Variants in NCOA6 observed in about 807,000 individuals in gnomAD.
NCOA6 encodes NRC RAP250.
Under a neutral mutation model 171.4 loss-of-function variants are expected in NCOA6, and 49 were observed. The ratio of observed to expected loss-of-function variants is 0.29; its 90% CI spans 0.23 to 0.36. NCOA6 has a LOEUF of 0.36. Ranked by LOEUF, NCOA6 falls within the 10% of genes least tolerant of loss-of-function variation. The probability of loss-of-function intolerance (pLI) is 1.00; values close to 1 mark genes in which losing one functional copy is unlikely to be tolerated. For missense variants in NCOA6, 2,248 were observed against 2,554.5 expected (o/e 0.88, Z 2.59); for synonymous variants, 910 against 927.5 (o/e 0.98, Z 0.34).
intron 1 of NCOA6, among the ~76,000 whole-genome samples, chr20:34,804,340 T>A (rs2078370082): frequency 6.6e-6 from 1 of 151,428 alleles, no homozygotes; most frequent in South Asian, 2.1e-4. Context: ...TTGTCATAAA[T>A]AAATAAATAA....
At chr20:34,733,459 T>C (rs1372540804) in intron 12 of NCOA6, among the ~76,000 whole-genome samples, 1 of 152,190 alleles carries the variant, frequency 6.6e-6, no homozygotes, top group Non-Finnish European at 1.5e-5. Flanking sequence ...TGGTTCAAAA[T>C]TTTGACTTCA....
intron 6 of NCOA6, 104 bp downstream of exon 6, chr20:34,758,701 G>GT: frequency 1.4e-6 from 2 of 1,430,862 alleles, no homozygotes; most frequent in Non-Finnish European, 1.9e-6. Context: ...GGTTGACATT[G>GT]TGAGTTTGGA....
chr20:34,722,083 A>G (rs1367387878), intron 14 of NCOA6, among the ~76,000 whole-genome samples: 3 of 126,492 alleles, frequency 2.4e-5, no homozygotes, highest in Admixed American at 8.2e-5. Context: ...AAAAAAAAAA[A>G]GCAAAAGAAA....
intron 4 of NCOA6, among the ~76,000 whole-genome samples, chr20:34,772,531 CAATAACAG>C (rs2077182805): frequency 6.6e-6 from 1 of 152,056 alleles, no homozygotes; most frequent in African/African-American, 2.4e-5. Flanking sequence ...CTCATACTGA[CAATAACAG>C]GGTTAGGGCA....
intron 1 of NCOA6, among the ~76,000 whole-genome samples, chr20:34,815,033 T>A (rs1384661291): frequency 6.6e-6 from 1 of 151,926 alleles, no homozygotes; most frequent in East Asian, 1.9e-4. Context: ...TTCAAATGAG[T>A]ATTCACAATT....
intron 2 of NCOA6, among the ~76,000 whole-genome samples, chr20:34,788,550 C>G (rs148180352): frequency 4.1e-4 from 62 of 152,270 alleles, no homozygotes; most frequent in Admixed American, 6.5e-4. Context: ...TGCTCCTGCC[C>G]CATCCCTGTT....
At chr20:34,795,878 AT>A (rs2078050442) in intron 1 of NCOA6, among the ~76,000 whole-genome samples, 1 of 152,078 alleles carries the variant, frequency 6.6e-6, no homozygotes, top group South Asian at 2.1e-4. Flanking sequence ...AAGTGTCATT[AT>A]GTCTGCAGCT....
rs1555808611 is a variant in NCOA6 at position 34,714,995 on chromosome 20, TAC to T, written c.*325_*326del. 9.3e-6 allele frequency: 2 copies of T among 214,856 alleles called. No homozygotes were observed. The highest frequency in any genetic ancestry group is 9.1e-6 in the Non-Finnish European group (1 of 110,028). The allele number at this position is 214,856 out of a possible 1,614,324, so 13.3% of individuals were successfully genotyped here. A position where few individuals can be genotyped will look rare whatever the true frequency, so the allele number is the denominator to read the frequency against. ...CACACACAGTACTTCCACGGCACAA[TAC>T]ATCATTAGGAGATCTAAAAATGCTC... On this transcript the variant is annotated 3_prime_UTR_variant, in exon 15 of 15. Transcript: ENST00000359003.
At chr20:34,738,468 ATACT>A (rs1448463531) in intron 11 of NCOA6, among the ~76,000 whole-genome samples, 1 of 152,256 alleles carries the variant, frequency 6.6e-6, no homozygotes, top group African/African-American at 2.4e-5. Context: ...AGTGAAGGAT[ATACT>A]TAATTTACAC....
At chr20:34,789,244 A>G (rs1234211595) in intron 2 of NCOA6, among the ~76,000 whole-genome samples, 1 of 152,226 alleles carries the variant, frequency 6.6e-6, no homozygotes, top group Non-Finnish European at 1.5e-5. Flanking sequence ...TCAAGTTTCA[A>G]TCTATGGAAG....
intron 1 of NCOA6, among the ~76,000 whole-genome samples, chr20:34,817,404 G>C (rs1461375671): frequency 6.6e-6 from 1 of 151,720 alleles, no homozygotes; most frequent in Non-Finnish European, 1.5e-5. Flanking sequence ...AACTGACATA[G>C]AATACACAAT....
intron 1 of NCOA6, among the ~76,000 whole-genome samples, chr20:34,811,199 G>GTGTATGTATA (rs1491357424): frequency 2.6e-5 from 1 of 39,150 alleles, no homozygotes; most frequent in Non-Finnish European, 5.0e-5. Flanking sequence ...CAACAACAAC[G>GTGTATGTATA]TGTATATATA....
intron 1 of NCOA6, among the ~76,000 whole-genome samples, chr20:34,821,851 T>G (rs1309581289): frequency 1.3e-5 from 2 of 152,208 alleles, no homozygotes; most frequent in East Asian, 3.8e-4. Context: ...CCTCCCAAAG[T>G]GCTGGGATTA....
At chr20:34,762,485 A>G (rs1402905057) in intron 5 of NCOA6, among the ~76,000 whole-genome samples, 1 of 149,328 alleles carries the variant, frequency 6.7e-6, no homozygotes, top group Non-Finnish European at 1.5e-5. Context: ...CTTTTTTTCT[A>G]TTCTGTTTTC....
chr20:34,747,028 A>G (rs952940765), intron 9 of NCOA6, 100 bp from the exon 10 acceptor site: 1 of 1,187,282 alleles, frequency 8.4e-7, no homozygotes, highest in African/African-American at 1.6e-5. Context: ...TGAAGAACTA[A>G]AATGTTTGCA....
At chr20:34,779,473 C>T (rs2077452981) in intron 3 of NCOA6, among the ~76,000 whole-genome samples, 1 of 152,152 alleles carries the variant, frequency 6.6e-6, no homozygotes, top group Non-Finnish European at 1.5e-5. Flanking sequence ...GAGATCATGC[C>T]ACTGCATTCC....
intron 5 of NCOA6, among the ~76,000 whole-genome samples, chr20:34,759,351 A>G (rs1212016631): frequency 2.0e-5 from 3 of 152,148 alleles, no homozygotes; most frequent in African/African-American, 7.2e-5. Context: ...GGAAGTTTCT[A>G]CACCCACCAT....
chr20:34,734,708 A>G (rs2075897243), intron 12 of NCOA6, among the ~76,000 whole-genome samples: 1 of 151,190 alleles, frequency 6.6e-6, no homozygotes, highest in Non-Finnish European at 1.5e-5. Context: ...GTGGAGTTCA[A>G]TGGCGCAATC....
Position 34,749,569 on chromosome 20 carries a change from C to T in NCOA6, c.2626G>A (p.Val876Ile). The T allele has an allele frequency of 6.2e-7, 1 of 1,614,200 alleles. No homozygotes were observed. ...CTCGTTAGCGTGACATCCTTATTGACTGGGAAGCCTGGATTTTGACCACAG... is the reference window on the plus strand; with the variant it reads ...CTCGTTAGCGTGACATCCTTATTGATTGGGAAGCCTGGATTTTGACCACAG... ...MSCGQNPGFP[V>I]NKDVTLTSPL... Residue 876 changes from valine (V) to isoleucine (I), a missense_variant, in exon 9 of 15, where the codon GTC (valine) becomes ATC (isoleucine). Around this residue, in one of 7 missense-constraint regions of NCOA6, gnomAD observed 987 missense variants for 1,104.7 expected, o/e 0.89. Coordinates refer to ENST00000359003, the MANE Select transcript of NCOA6 (RefSeq NM_014071.5).
Sources: allele counts gnomAD v4.1 joint callset (sites outside exome capture counted in the v4.1 genomes callset), GRCh38; gene constraint gnomAD v4.1.1; regional missense constraint gnomAD v4.1.1; transcripts MANE v1.5; gene names NCBI Gene and HGNC (gene_info 2026-07-23, HGNC 2026-07-21).